Variants in PCDHGA2 observed in about 807,000 individuals in gnomAD.
The protein encoded by PCDHGA2 is protocadherin gamma subfamily A, 2, also known as protocadherin gamma-A2.
A neutral mutation model predicts 59.2 loss-of-function variants in PCDHGA2; 40 were observed. That is an observed-to-expected ratio of 0.68 (90% CI 0.52 to 0.88). The LOEUF (loss-of-function observed/expected upper bound fraction) is 0.88, where lower values mean the gene tolerates loss of function less well. Among genes scored for constraint, PCDHGA2 ranks in the 40% least tolerant of loss-of-function variants. The pLI is 0.00. For synonymous variants in PCDHGA2, 560 were observed against 526.0 expected, an observed-to-expected ratio of 1.06 and a Z score of -0.89; for missense variants, 1,226 against 1,204.0, an observed-to-expected ratio of 1.02 and a Z score of -0.27.
At position 141,339,365 on chromosome 5, in the gene PCDHGA2, C is replaced by A. The variant is rs747815340; in HGVS notation, c.394C>A (p.Arg132Ser). 7 of 1,614,068 alleles carry A rather than the reference C, an allele frequency of 4.3e-6. No individual in the cohort carries two copies. In the East Asian group the frequency reaches 8.9e-5, roughly 21 times the overall value. Residue 132 changes from arginine (R) to serine (S), a missense_variant, in exon 1 of 4, where the codon CGC becomes AGC. Physicochemically the swap from Arg to Ser is moderately radical, Grantham distance 110. Transcript: ENST00000394576. ...EITDINDNAP[R>S]FGVEELELKI... ...AACAGATATTAACGATAATGCCCCTCGCTTTGGAGTAGAGGAACTGGAGCT... is the reference window on the plus strand; with the variant it reads ...AACAGATATTAACGATAATGCCCCTAGCTTTGGAGTAGAGGAACTGGAGCT...
At chr5:141,341,755 A>C in intron 1 of PCDHGA2, 1 of 406,632 alleles carries the variant, frequency 2.5e-6, no homozygotes, top group Non-Finnish European at 4.3e-6. Flanking sequence ...TAAAGATTGG[A>C]GTTTATGTTT....
intron 1 of PCDHGA2, chr5:141,370,471 A>G (rs773034189): frequency 3.1e-6 from 5 of 1,613,570 alleles, no homozygotes; most frequent in Non-Finnish European, 4.2e-6. Flanking sequence ...TCTTTGTTAG[A>G]CCAGGCTCTC....
At chr5:141,365,829 C>A in intron 1 of PCDHGA2, 1 of 1,613,964 alleles carries the variant, frequency 6.2e-7, no homozygotes, top group Non-Finnish European at 8.5e-7. Flanking sequence ...CAGGGGGCGC[C>A]CTTGTCCTCC....
intron 1 of PCDHGA2, chr5:141,403,542 A>T (rs561106024): frequency 1.2e-6 from 2 of 1,613,990 alleles, no homozygotes; most frequent in East Asian, 4.5e-5. Context: ...CTGGTGCTGG[A>T]GCGCGCCCTG....
chr5:141,415,740 G>GTTTTTTTTTTTTTTTTTTTTT (rs57426385), intron 1 of PCDHGA2: 5 of 625,024 alleles, frequency 8.0e-6, no homozygotes, highest in Non-Finnish European at 8.5e-6. Flanking sequence ...GTTTATTAAG[G>GTTTTTTTTTTTTTTTTTTTTT]TTTTTTTTTT....
At chr5:141,388,351 C>A in intron 1 of PCDHGA2, 1 of 1,614,016 alleles carries the variant, frequency 6.2e-7, no homozygotes. Flanking sequence ...ATATTAGGAT[C>A]TGCCCATGAT....
At chr5:141,363,972 A>G (rs2149852244) in intron 1 of PCDHGA2, among the ~76,000 whole-genome samples, 1 of 152,370 alleles carries the variant, frequency 6.6e-6, no homozygotes, top group Admixed American at 6.5e-5. Context: ...AAGTCTTGCT[A>G]TTCAGAATTA....
Position 141,431,464 on chromosome 5 carries a change from G to GA in PCDHGA2, c.2425-63341dup, listed in dbSNP as rs1561852795. 1 of 1,613,782 alleles carries GA rather than the reference G, an allele frequency of 6.2e-7. No homozygotes were observed. Among genetic ancestry groups the GA allele is most frequent in the Non-Finnish European group, 8.5e-7 (1 of 1,179,972 alleles). ...GCATCCGCGTGATGGTTCTGGATGC[G>GA]AACGACAACGCACCAGCGTTTGCTC... On this transcript the variant is annotated intron_variant, in intron 1 of 3. Coordinates refer to ENST00000394576, the MANE Select transcript of PCDHGA2 (RefSeq NM_018915.4). This position sits in a 1 kb window ranked among gnomAD's most constrained non-coding sequence, Gnocchi z 4.8.
chr5:141,400,476 C>T (rs2094027348), intron 1 of PCDHGA2: 2 of 1,613,846 alleles, frequency 1.2e-6, no homozygotes, highest in African/African-American at 2.7e-5. Context: ...CATCTGGGGC[C>T]TTATTTCCAC....
Position 141,476,735 on chromosome 5 carries a change from G to C in PCDHGA2, c.2425-18072G>C, listed in dbSNP as rs1267556668. The C allele has an allele frequency of 6.2e-7, 1 of 1,613,974 alleles. No individual in the cohort carries two copies. Among genetic ancestry groups the C allele is most frequent in the African/African-American group, 1.3e-5 (1 of 74,940 alleles). On this transcript the variant is annotated intron_variant, in intron 1 of 3. Coordinates refer to ENST00000394576, the MANE Select transcript of PCDHGA2 (RefSeq NM_018915.4). This position sits in a 1 kb window ranked among gnomAD's most constrained non-coding sequence, Gnocchi z 7.6. ...GGAGCGCGCCCTGGACCGAGAACGG[G>C]AGCCTAGTCTCCAGTTAGTGCTGAC...
rs370237298 is a variant in PCDHGA2 at position 141,487,298 on chromosome 5, G to A, written c.2425-7509G>A. ...TTGCTTTGTCTCCTTTGGCTCATTCGTGGCACTACTCTCTAAGTGTCTTCG... is the reference window on the plus strand; with the variant it reads ...TTGCTTTGTCTCCTTTGGCTCATTCATGGCACTACTCTCTAAGTGTCTTCG... On this transcript the variant is annotated intron_variant, in intron 1 of 3. Coordinates refer to ENST00000394576, the MANE Select transcript of PCDHGA2 (RefSeq NM_018915.4). The surrounding 1 kb of genome is among the most constrained non-coding windows in gnomAD (Gnocchi z 5.0). The A allele has an allele frequency of 3.2e-5, 51 of 1,614,072 alleles. 1 individual carries two copies. Among genetic ancestry groups the A allele is most frequent in the South Asian group, 5.5e-5 (5 of 91,082 alleles).
chr5:141,362,416 G>A, intron 1 of PCDHGA2: 3 of 1,614,008 alleles, frequency 1.9e-6, no homozygotes, highest in Non-Finnish European at 2.5e-6. Context: ...CTCACAATCA[G>A]CCAAGACAGA....
intron 1 of PCDHGA2, chr5:141,387,565 T>C: frequency 2.3e-6 from 1 of 437,244 alleles, no homozygotes; most frequent in Non-Finnish European, 4.0e-6. Flanking sequence ...AGGCACACAA[T>C]TATAATTATT....
At position 141,352,497 on chromosome 5, in the gene PCDHGA2, A is replaced by G. The variant is rs932684765; in HGVS notation, c.2424+11102A>G. ...AACCACAGCGAGGGGACTTTGCCCT[A>G]TTCCTACAATCTATGTATTGCCTCT... is the stretch of plus-strand genomic sequence containing the variant. On this transcript the variant is annotated intron_variant, in intron 1 of 3. Coordinates refer to ENST00000394576, the MANE Select transcript of PCDHGA2 (RefSeq NM_018915.4). The G allele has an allele frequency of 2.5e-6, 4 of 1,613,910 alleles. No homozygotes were observed. In the African/African-American group the frequency reaches 4.0e-5, roughly 16 times the overall value.
intron 1 of PCDHGA2, among the ~76,000 whole-genome samples, chr5:141,397,623 T>A (rs2093546552): frequency 6.6e-6 from 1 of 152,242 alleles, no homozygotes; most frequent in South Asian, 2.1e-4. Context: ...TACTTAGTTC[T>A]AGCTAAGAGT....
At position 141,490,108 on chromosome 5, in the gene PCDHGA2, C is replaced by T. The variant is rs566655929; in HGVS notation, c.2425-4699C>T. 1.4e-5 allele frequency: 22 copies of T among 1,614,244 alleles called. No individual in the cohort carries two copies. Among genetic ancestry groups the T allele is most frequent in the South Asian group, 5.5e-5 (5 of 91,090 alleles). The stretch of plus-strand genomic sequence containing the variant: ...TGGAGACCACACATCTGAGGCAGTG[C>T]GGAACCTCTTTGGCCTAGACCCTAG... On this transcript the variant is annotated intron_variant, in intron 1 of 3. Coordinates refer to ENST00000394576, the MANE Select transcript of PCDHGA2 (RefSeq NM_018915.4). This position sits in a 1 kb window ranked among gnomAD's most constrained non-coding sequence, Gnocchi z 5.4.
Position 141,340,070 on chromosome 5 carries a change from G to A in PCDHGA2, c.1099G>A (p.Gly367Arg), listed in dbSNP as rs1163417830. ...SEDSLPGTII[G>R]LFNVHDRDSG... ...AGACTCTCTTCCAGGAACCATAATT[G>A]GGCTTTTTAATGTACATGATAGAGA... The change falls in exon 1 of 4, where the codon GGG becomes AGG. Residue 367 changes from glycine to arginine, a missense_variant. Gly to Arg is a moderately radical substitution (Grantham distance 125). Transcript: ENST00000394576. The A allele has an allele frequency of 6.2e-7, 1 of 1,613,916 alleles. No homozygotes were observed. Among genetic ancestry groups the A allele is most frequent in the African/African-American group, 1.3e-5 (1 of 74,880 alleles).
chr5:141,415,740 GTTTTTTTTT>G (rs57426385), intron 1 of PCDHGA2: 9,508 of 621,550 alleles, frequency 0.015, 13 homozygotes, highest in Non-Finnish European at 0.016. Context: ...GTTTATTAAG[GTTTTTTTTT>G]TTTTTTTTTT....
At position 141,387,642 on chromosome 5, in the gene PCDHGA2, C is replaced by A. The variant is rs554256672; in HGVS notation, c.2424+46247C>A. The A allele has an allele frequency of 6.9e-5, 43 of 622,250 alleles. No homozygotes were observed. In the African/African-American group the frequency reaches 7.8e-4, roughly 11 times the overall value. 38.5% of individuals were successfully genotyped at this position (622,250 alleles called of 1,614,324 possible). On this transcript the variant is annotated intron_variant, in intron 1 of 3. Transcript: ENST00000394576. ...TGCTGACTCTGGGCGCCGCTGTTGG[C>A]CAAAGTGGAGAGCTTGGCGCTCCAG...
Sources: allele counts gnomAD v4.1 joint callset (sites outside exome capture counted in the v4.1 genomes callset), GRCh38; gene constraint gnomAD v4.1.1; non-coding constraint Gnocchi (gnomAD v3.1); transcripts MANE v1.5; gene names NCBI Gene and HGNC (gene_info 2026-07-23, HGNC 2026-07-21).